The following MAST4 variants were observed in gnomAD, a reference collection of about 807,000 sequenced individuals.
The protein encoded by MAST4 is microtubule associated serine/threonine kinase family member 4, also known as microtubule-associated serine/threonine-protein kinase 4.
In MAST4, 89 loss-of-function variants were observed where a neutral mutation model predicts 162.7. That is an observed-to-expected ratio of 0.55 (90% CI 0.46 to 0.65). The LOEUF (loss-of-function observed/expected upper bound fraction) is 0.65, where lower values mean the gene tolerates loss of function less well. MAST4 is among the 30% of genes least tolerant of loss of function. MAST4 has a pLI of 0.00. For missense variants in MAST4, 3,153 were observed against 3,374.0 expected (o/e 0.93, Z 1.62); for synonymous variants, 1,479 against 1,361.1 (o/e 1.09, Z -1.91).
Position 67,164,768 on chromosome 5 carries a change from C to CTTAA in MAST4, c.5590_5593dup (p.Lys1865IlefsTer5), listed in dbSNP as rs1773668550. On this transcript the variant is annotated frameshift_variant, in exon 29 of 29. Transcript: ENST00000403625. LOFTEE classifies it low-confidence loss of function (END_TRUNC). The surrounding 1 kb of genome is among the most constrained non-coding windows in gnomAD (Gnocchi z 5.3). ...GTGCAAGAGAGCTTTCTCCTTCCAG[C>CTTAA]TTAAAGATGAATAAATCCTACCTGC... is the stretch of plus-strand genomic sequence containing the variant. The CTTAA allele has an allele frequency of 2.5e-6, 4 of 1,614,014 alleles. No homozygotes were observed. The highest frequency in any genetic ancestry group is 3.4e-6 in the Non-Finnish European group (4 of 1,179,906).
At chr5:67,052,164 T>G (rs1758262718) in intron 4 of MAST4, among the ~76,000 whole-genome samples, 1 of 152,168 alleles carries the variant, frequency 6.6e-6, no homozygotes, top group Non-Finnish European at 1.5e-5. Flanking sequence ...TTTAACTTTC[T>G]CATGTATTCA....
intron 1 of MAST4, among the ~76,000 whole-genome samples, chr5:66,640,599 G>A (rs774655911): frequency 3.3e-5 from 5 of 152,096 alleles, no homozygotes; most frequent in Non-Finnish European, 5.9e-5. Context: ...GAGCCACCGC[G>A]CCCAGCCCAC....
At chr5:67,101,975 G>C (rs1765082917) in intron 8 of MAST4, among the ~76,000 whole-genome samples, 1 of 150,512 alleles carries the variant, frequency 6.6e-6, no homozygotes, top group African/African-American at 2.4e-5. Context: ...GTATGCCTCT[G>C]TTTCATATAA....
At chr5:67,122,459 A>G (rs1399696317) in intron 14 of MAST4, among the ~76,000 whole-genome samples, 2 of 152,096 alleles carry the variant, frequency 1.3e-5, no homozygotes, top group Non-Finnish European at 2.9e-5. Flanking sequence ...GTATTTTTGC[A>G]ATATTTTATT....
intron 3 of MAST4, among the ~76,000 whole-genome samples, chr5:66,872,206 G>A (rs906033600): frequency 4.6e-5 from 7 of 152,126 alleles, no homozygotes; most frequent in African/African-American, 1.7e-4. Flanking sequence ...GTCTCACTCT[G>A]TCACCCAGGC....
intron 19 of MAST4, among the ~76,000 whole-genome samples, chr5:67,137,091 C>T (rs893742223): frequency 1.3e-4 from 20 of 152,164 alleles, no homozygotes; most frequent in African/African-American, 4.6e-4. Flanking sequence ...TGACCCAGCA[C>T]GTTACTATAC....
At chr5:66,650,713 C>T (rs1408568198) in intron 1 of MAST4, among the ~76,000 whole-genome samples, 2 of 152,306 alleles carry the variant, frequency 1.3e-5, no homozygotes, top group Admixed American at 1.3e-4. Context: ...CAAATACACA[C>T]ATGGAATACT....
chr5:67,100,332 T>A, intron 7 of MAST4, 103 bp from the exon 8 acceptor site: 1 of 1,086,206 alleles, frequency 9.2e-7, no homozygotes. Flanking sequence ...AAAGAAACAA[T>A]AAAAATGGTG....
intron 19 of MAST4, among the ~76,000 whole-genome samples, chr5:67,141,745 G>A (rs1770433671): frequency 6.6e-6 from 1 of 152,160 alleles, no homozygotes; most frequent in South Asian, 2.1e-4. Context: ...TTTGCACCTT[G>A]TTAGAATTTC....
At chr5:67,006,890 T>C (rs1276723253) in intron 4 of MAST4, among the ~76,000 whole-genome samples, 1 of 152,164 alleles carries the variant, frequency 6.6e-6, no homozygotes, top group African/African-American at 2.4e-5. Context: ...CATGAAACCG[T>C]ATCTTCAATT....
intron 4 of MAST4, among the ~76,000 whole-genome samples, chr5:66,972,281 A>T (rs1747534173): frequency 6.6e-6 from 1 of 152,198 alleles, no homozygotes. Context: ...GGTGAAAAAG[A>T]CGTGAGCTAA....
At chr5:67,100,623 A>G in intron 8 of MAST4, 31 bp downstream of exon 8, 2 of 1,612,362 alleles carry the variant, frequency 1.2e-6, no homozygotes. Context: ...ACCATTACTT[A>G]GTTGGATTCT....
chr5:67,088,926 AG>A (rs1288820576), intron 5 of MAST4, among the ~76,000 whole-genome samples: 4 of 152,226 alleles, frequency 2.6e-5, no homozygotes, highest in African/African-American at 9.6e-5. Context: ...AAAGTCCTCA[AG>A]GTAACACTAA....
chr5:67,125,769 G>A (rs909320169), intron 14 of MAST4, among the ~76,000 whole-genome samples: 1 of 152,168 alleles, frequency 6.6e-6, no homozygotes, highest in Non-Finnish European at 1.5e-5. Flanking sequence ...TATATACCCA[G>A]TAAGGGGATT....
intron 3 of MAST4, among the ~76,000 whole-genome samples, chr5:66,840,829 C>G (rs1758372020): frequency 6.6e-6 from 1 of 152,080 alleles, no homozygotes; most frequent in African/African-American, 2.4e-5. Context: ...ACCAACAGAC[C>G]CACATTCTCC....
intron 3 of MAST4, among the ~76,000 whole-genome samples, chr5:66,828,465 T>G (rs993207116): frequency 1.3e-5 from 2 of 152,170 alleles, no homozygotes; most frequent in Admixed American, 1.3e-4. Flanking sequence ...ACCTTATAGT[T>G]GCTTCAGATG....
intron 2 of MAST4, among the ~76,000 whole-genome samples, chr5:66,774,254 A>G (rs1162000920): frequency 6.6e-6 from 1 of 152,224 alleles, no homozygotes; most frequent in Non-Finnish European, 1.5e-5. Context: ...AGCTGGGTAA[A>G]CCCACTGTTT....
Position 67,110,194 on chromosome 5 carries a change from T to A in MAST4, c.1453T>A (p.Cys485Ser). 6.2e-7 allele frequency: 1 copy of A among 1,611,838 alleles called. No individual in the cohort carries two copies. The highest frequency in any genetic ancestry group is 8.5e-7 in the Non-Finnish European group (1 of 1,178,036). Residue 485 changes from cysteine to serine, a missense_variant, in exon 11 of 29, where the codon TGC (cysteine) becomes AGC (serine). Around this residue, in one of 7 missense-constraint regions of MAST4, gnomAD observed 360 missense variants for 450.0 expected, o/e 0.80. Transcript: ENST00000403625. ...VIARPARLLECLEFDPEEFYY... is the reference protein window; with the variant it reads ...VIARPARLLESLEFDPEEFYY... ...TGCCCGCCCTGCTCGGTTATTAGAG[T>A]GCCTGGTAAGTTGCCCCTTGATGTG...
intron 1 of MAST4, among the ~76,000 whole-genome samples, chr5:66,695,118 T>C (rs1191091591): frequency 1.3e-5 from 2 of 152,194 alleles, no homozygotes; most frequent in African/African-American, 4.8e-5. Context: ...AATGGCATTT[T>C]CTAGATTTTC....
Sources: allele counts gnomAD v4.1 joint callset (sites outside exome capture counted in the v4.1 genomes callset), GRCh38; gene constraint gnomAD v4.1.1; regional missense constraint gnomAD v4.1.1; non-coding constraint Gnocchi (gnomAD v3.1); transcripts MANE v1.5; gene names NCBI Gene and HGNC (gene_info 2026-07-23, HGNC 2026-07-21).